Variants in HS6ST3 observed in about 807,000 individuals in gnomAD.
HS6ST3 encodes the protein heparan sulfate 6-O-sulfotransferase 3, also known as heparan-sulfate 6-O-sulfotransferase 3.
A neutral mutation model predicts 36.7 loss-of-function variants in HS6ST3; 12 were observed. That is an observed-to-expected ratio of 0.33 (90% CI 0.21 to 0.53). HS6ST3 has a LOEUF of 0.53. Ranked by LOEUF, HS6ST3 falls within the 20% of genes least tolerant of loss-of-function variation. The pLI is 0.95. For synonymous variants in HS6ST3, 240 were observed against 257.5 expected (o/e 0.93, Z 0.65); for missense variants, 584 against 640.9 (o/e 0.91, Z 0.96).
At position 96,139,567 on chromosome 13, in the gene HS6ST3, A is replaced by AAAAAAAAAAAAAAAAT. The variant is rs1491242538; in HGVS notation, c.707+47998_707+47999insAAAAAAAAAAAAAAAT. Among the ~76,000 whole-genome samples, 34 of 138,750 alleles carry AAAAAAAAAAAAAAAAT rather than the reference A, an allele frequency of 2.5e-4. 1 individual carries two copies. Among genetic ancestry groups the AAAAAAAAAAAAAAAAT allele is most frequent in the African/African-American group, 9.0e-4 (32 of 35,666 alleles). The allele number at this position is 138,750 out of a possible 152,430, so 91.0% of individuals were successfully genotyped here. ...AAAAAAAAAAAAAAAAAAAAAAAAAATCCATGTATAAGTTAATTTGGTATA... is the reference window on the plus strand; with the variant it reads ...AAAAAAAAAAAAAAAAAAAAAAAAAAAAAAAAAAAAAAAAATTCCATGTATAAGTTAATTTGGTATA... On this transcript the variant is annotated intron_variant, in intron 1 of 1. Transcript: ENST00000376705.
In HS6ST3 at chr13:96,677,027, A is replaced by G. The variant is rs570152269; in HGVS notation, c.708-155463A>G. On this transcript the variant is annotated intron_variant, in intron 1 of 1. Transcript: ENST00000376705. ...GTCTTTTTTCAAATACTTACTACAT[A>G]AAGATGTGTGCAGCAAATCTTTGTG... 2.0e-5 allele frequency among the ~76,000 whole-genome samples: 3 copies of G among 152,296 alleles called. No individual in the cohort carries two copies. In the South Asian group the frequency reaches 6.2e-4, roughly 32 times the overall value.
At chr13:96,640,502 C>T (rs1272001086) in intron 1 of HS6ST3, among the ~76,000 whole-genome samples, 1 of 151,858 alleles carries the variant, frequency 6.6e-6, no homozygotes. Flanking sequence ...ATATTTTTTT[C>T]CCATTCTATA....
intron 1 of HS6ST3, among the ~76,000 whole-genome samples, chr13:96,338,199 A>T (rs11842501): frequency 6.6e-6 from 1 of 151,784 alleles, no homozygotes; most frequent in Admixed American, 6.6e-5. Flanking sequence ...TGCAGTTGCT[A>T]TGTAAGGGTG....
At chr13:96,641,220 G>A (rs773639585) in intron 1 of HS6ST3, among the ~76,000 whole-genome samples, 14 of 151,814 alleles carry the variant, frequency 9.2e-5, no homozygotes, top group Admixed American at 2.0e-4. Context: ...TCTTCTTGCA[G>A]ATATCTTTCA....
intron 1 of HS6ST3, among the ~76,000 whole-genome samples, chr13:96,679,100 C>T (rs960569326): frequency 4.0e-5 from 6 of 148,850 alleles, no homozygotes; most frequent in South Asian, 2.2e-4. Flanking sequence ...CTGTTCACTG[C>T]GTCACCACAC....
At chr13:96,812,360 C>T (rs1321058794) in intron 1 of HS6ST3, among the ~76,000 whole-genome samples, 6 of 152,048 alleles carry the variant, frequency 3.9e-5, no homozygotes, top group African/African-American at 1.4e-4. Flanking sequence ...TTTTTACTTC[C>T]TCTTACTCCA....
At chr13:96,572,853 G>A (rs1427471804) in intron 1 of HS6ST3, among the ~76,000 whole-genome samples, 7 of 152,182 alleles carry the variant, frequency 4.6e-5, no homozygotes, top group Admixed American at 4.6e-4. Context: ...GTGTCCCAGT[G>A]AACTATACCT....
At chr13:96,168,790 A>G (rs1016969986) in intron 1 of HS6ST3, among the ~76,000 whole-genome samples, 3 of 152,088 alleles carry the variant, frequency 2.0e-5, no homozygotes, top group Non-Finnish European at 4.4e-5. Flanking sequence ...TTTTTATGAT[A>G]GACTCAGGGT....
intron 1 of HS6ST3, among the ~76,000 whole-genome samples, chr13:96,215,739 AAT>A (rs546682446): frequency 2.0e-3 from 298 of 152,184 alleles, no homozygotes; most frequent in Middle Eastern, 0.01. Context: ...AGGTAGAATT[AAT>A]ATATAGTGTC....
At chr13:96,317,371 A>G (rs9584357) in intron 1 of HS6ST3, among the ~76,000 whole-genome samples, 1,130 of 15,762 alleles carry the variant, frequency 0.072, 36 homozygotes, top group African/African-American at 0.2. Flanking sequence ...TATATATAAA[A>G]TTATATATAT....
intron 1 of HS6ST3, among the ~76,000 whole-genome samples, chr13:96,423,739 T>C (rs1566357030): frequency 6.6e-6 from 1 of 152,054 alleles, no homozygotes. Flanking sequence ...TGTCTTATTC[T>C]CCCTGTGATG....
At chr13:96,397,227 C>T (rs1388568990) in intron 1 of HS6ST3, among the ~76,000 whole-genome samples, 1 of 152,042 alleles carries the variant, frequency 6.6e-6, no homozygotes, top group Non-Finnish European at 1.5e-5. Flanking sequence ...AAAACAAAAA[C>T]AAAAACTGCA....
At chr13:96,267,844 G>T (rs2054700133) in intron 1 of HS6ST3, among the ~76,000 whole-genome samples, 1 of 151,884 alleles carries the variant, frequency 6.6e-6, no homozygotes, top group South Asian at 2.1e-4. Flanking sequence ...TGGGAGGTTG[G>T]TTACCATTGG....
At chr13:96,696,565 G>A (rs943038210) in intron 1 of HS6ST3, among the ~76,000 whole-genome samples, 1 of 152,168 alleles carries the variant, frequency 6.6e-6, no homozygotes, top group African/African-American at 2.4e-5. Flanking sequence ...TGACCGGCCT[G>A]GCCGATCCCC....
chr13:96,469,256 G>A (rs1279322943), intron 1 of HS6ST3, among the ~76,000 whole-genome samples: 1 of 151,846 alleles, frequency 6.6e-6, no homozygotes, highest in Non-Finnish European at 1.5e-5. Flanking sequence ...ATCTTACCAT[G>A]AAATTAGTTT....
At chr13:96,286,771 G>C (rs2139396836) in intron 1 of HS6ST3, among the ~76,000 whole-genome samples, 1 of 152,206 alleles carries the variant, frequency 6.6e-6, no homozygotes, top group East Asian at 1.9e-4. Context: ...AAGACTGGGG[G>C]TTTTAACACT....
intron 1 of HS6ST3, among the ~76,000 whole-genome samples, chr13:96,760,660 T>G (rs1307286600): frequency 6.6e-6 from 1 of 152,216 alleles, no homozygotes; most frequent in Admixed American, 6.5e-5. Flanking sequence ...TCATATATCT[T>G]TACATCATTA....
chr13:96,139,596 A>G (rs1306541146), intron 1 of HS6ST3, among the ~76,000 whole-genome samples: 2 of 150,196 alleles, frequency 1.3e-5, no homozygotes, highest in Non-Finnish European at 3.0e-5. Flanking sequence ...TGGTATATAT[A>G]TAAGGAAATT....
chr13:96,288,875 T>G (rs538060997), intron 1 of HS6ST3, among the ~76,000 whole-genome samples: 3 of 152,046 alleles, frequency 2.0e-5, no homozygotes, highest in Non-Finnish European at 2.9e-5. Flanking sequence ...AAAGTCAACT[T>G]TTTTTTCCTA....
Sources: allele counts gnomAD v4.1 joint callset (sites outside exome capture counted in the v4.1 genomes callset), GRCh38; gene constraint gnomAD v4.1.1; transcripts MANE v1.5; gene names NCBI Gene and HGNC (gene_info 2026-07-23, HGNC 2026-07-21).